The following EPM2A variants were observed in gnomAD, a reference collection of about 807,000 sequenced individuals.
EPM2A encodes laforin.
EPM2A carries 21 observed loss-of-function variants against 26.5 expected under a neutral mutation model. The observed-to-expected ratio is 0.79, with a 90% CI of 0.56 to 1.14. EPM2A has a LOEUF of 1.14. Ranked by LOEUF, EPM2A falls within the 50% of genes most tolerant of loss-of-function variation. The pLI is 0.00. For missense variants in EPM2A, 458 were observed against 440.8 expected, an observed-to-expected ratio of 1.04 and a Z score of -0.35; for synonymous variants, 217 against 177.6, an observed-to-expected ratio of 1.22 and a Z score of -1.76.
intron 2 of EPM2A, among the ~76,000 whole-genome samples, chr6:145,683,035 C>T (rs993747701): frequency 2.0e-5 from 3 of 152,224 alleles, no homozygotes; most frequent in East Asian, 3.9e-4. Flanking sequence ...TCGATGTTTT[C>T]AATTTAATAA....
intron 2 of EPM2A, among the ~76,000 whole-genome samples, chr6:145,677,116 A>G (rs1402368387): frequency 6.6e-6 from 1 of 152,228 alleles, no homozygotes; most frequent in African/African-American, 2.4e-5. Flanking sequence ...GTGGGATGCA[A>G]GCCTCATTCA....
intron 2 of EPM2A, chr6:145,640,715 T>C (rs971717900): frequency 2.6e-5 from 4 of 152,172 alleles, no homozygotes; most frequent in Admixed American, 6.5e-5. Flanking sequence ...AGTCTATCCG[T>C]CCTATAATTT....
At chr6:145,629,502 G>A (rs774154901) in intron 3 of EPM2A, 1 of 152,298 alleles carries the variant, frequency 6.6e-6, no homozygotes, top group Non-Finnish European at 1.5e-5. Context: ...GTCTCAGGGA[G>A]AGCACTGCAT....
At chr6:145,614,007 T>C (rs1775453139) in intron 2 of EPM2A, among the ~76,000 whole-genome samples, 2 of 152,214 alleles carry the variant, frequency 1.3e-5, no homozygotes, top group African/African-American at 2.4e-5. Context: ...AAGTCTTAAA[T>C]GGCATCTTCT....
chr6:145,441,089 G>A (rs191580398), intron 4 of EPM2A, among the ~76,000 whole-genome samples: 1 of 152,298 alleles, frequency 6.6e-6, no homozygotes, highest in East Asian at 1.9e-4. Context: ...TCTCTGCCTG[G>A]GCATCCAGGC....
chr6:145,723,448 C>T (rs1009228331), intron 1 of EPM2A, among the ~76,000 whole-genome samples: 1 of 151,940 alleles, frequency 6.6e-6, no homozygotes, highest in African/African-American at 2.4e-5. Context: ...CACAAAAACA[C>T]ACAAGTATAC....
At chr6:145,446,615 A>G (rs1779132166) in intron 4 of EPM2A, among the ~76,000 whole-genome samples, 1 of 151,966 alleles carries the variant, frequency 6.6e-6, no homozygotes, top group Non-Finnish European at 1.5e-5. Flanking sequence ...TGTGTTTTTC[A>G]CCAGGGTCTC....
At chr6:145,541,944 T>A (rs967003392) in intron 2 of EPM2A, among the ~76,000 whole-genome samples, 5 of 151,806 alleles carry the variant, frequency 3.3e-5, no homozygotes, top group African/African-American at 9.7e-5. Flanking sequence ...TTTTAAAACC[T>A]CACTTTTACA....
In EPM2A at chr6:145,505,249, A is replaced by C. The variant is rs930345792; in HGVS notation, c.341-2674T>G. 9.9e-5 allele frequency among the ~76,000 whole-genome samples: 15 copies of C among 152,076 alleles called. 1 individual carries two copies. The highest frequency in any genetic ancestry group is 3.6e-4 in the African/African-American group (15 of 41,486). On this transcript the variant is annotated intron_variant, in intron 2 of 3. Transcript: ENST00000450221. ...ACCCTAAAACTTAAAGTATAATTAA[A>C]AAAAAAAATTTATTTTGAAATAATT...
chr6:145,576,482 GGAGT>G (rs1225672541), intron 2 of EPM2A, among the ~76,000 whole-genome samples: 1 of 152,174 alleles, frequency 6.6e-6, no homozygotes, highest in African/African-American at 2.4e-5. Flanking sequence ...CTAATAAACA[GGAGT>G]AAGTAGCAAC....
chr6:145,524,277 A>G (rs544550383), intron 2 of EPM2A, among the ~76,000 whole-genome samples: 131 of 152,158 alleles, frequency 8.6e-4, no homozygotes, highest in African/African-American at 3.1e-3. Context: ...TAGAATGATA[A>G]CTTTTCCTTT....
chr6:145,729,940 C>T (rs768270179), intron 1 of EPM2A, among the ~76,000 whole-genome samples: 26 of 152,224 alleles, frequency 1.7e-4, no homozygotes, highest in Admixed American at 9.2e-4. Context: ...TGGGGGTGGA[C>T]TTCCCCCTTG....
chr6:145,734,036 C>T (rs1260104401), intron 1 of EPM2A, among the ~76,000 whole-genome samples: 1 of 144,230 alleles, frequency 6.9e-6, no homozygotes. Flanking sequence ...CATAATTTAG[C>T]AGTCTTTAAT....
At chr6:145,407,129 T>C (rs1778579759) in intron 4 of EPM2A, among the ~76,000 whole-genome samples, 1 of 152,100 alleles carries the variant, frequency 6.6e-6, no homozygotes, top group African/African-American at 2.4e-5. Flanking sequence ...GCAGTAAAGT[T>C]TTCCAAATTT....
chr6:145,564,469 A>G (rs1332593663), intron 2 of EPM2A, among the ~76,000 whole-genome samples: 4 of 152,226 alleles, frequency 2.6e-5, no homozygotes, highest in African/African-American at 9.6e-5. Flanking sequence ...CCAAACACAG[A>G]AGCAAAGTTG....
intron 2 of EPM2A, among the ~76,000 whole-genome samples, chr6:145,590,407 G>A (rs1054395993): frequency 6.0e-5 from 9 of 151,174 alleles, no homozygotes; most frequent in East Asian, 3.9e-4. Flanking sequence ...TCTAGCCTTC[G>A]TATCTCACTT....
chr6:145,549,224 A>G (rs1275203207), intron 2 of EPM2A, among the ~76,000 whole-genome samples: 3 of 152,116 alleles, frequency 2.0e-5, no homozygotes, highest in African/African-American at 7.2e-5. Flanking sequence ...CCCCTGCTCA[A>G]TTCTTTAAAT....
downstream of EPM2A, among the ~76,000 whole-genome samples, chr6:145,621,155 CT>C (rs35357082): frequency 2.0e-5 from 3 of 152,296 alleles, no homozygotes; most frequent in South Asian, 6.2e-4. Context: ...ATGAATTTGG[CT>C]TTTTAAAGAT....
intron 2 of EPM2A, among the ~76,000 whole-genome samples, chr6:145,503,550 C>T (rs1490302611): frequency 1.2e-5 from 1 of 85,970 alleles, no homozygotes; most frequent in Non-Finnish European, 2.2e-5. Flanking sequence ...TGTGAAGGAC[C>T]TCTTCAAGGA....
Sources: gnomAD v4.1 joint callset for allele counts (sites outside exome capture counted in the v4.1 genomes callset) on GRCh38, gnomAD v4.1.1 for gene constraint, MANE v1.5 for transcripts, NCBI Gene and HGNC (gene_info 2026-07-23, HGNC 2026-07-21) for gene names.